The following PPM1H variants were observed in gnomAD, a reference collection of about 807,000 sequenced individuals.
PPM1H encodes the protein protein phosphatase, Mg2+/Mn2+ dependent 1H.
Under a neutral mutation model 54.9 loss-of-function variants are expected in PPM1H, and 27 were observed. That is an observed-to-expected ratio of 0.49 (90% CI 0.36 to 0.68). The LOEUF (loss-of-function observed/expected upper bound fraction) is 0.68, where lower values mean the gene tolerates loss of function less well. Ranked by LOEUF, PPM1H falls within the 30% of genes least tolerant of loss-of-function variation. The pLI is 0.00. For synonymous variants in PPM1H, 305 were observed against 270.8 expected (o/e 1.13, Z -1.24); for missense variants, 596 against 667.8 (o/e 0.89, Z 1.19).
At chr12:62,916,526 A>G (rs1871628093) in intron 1 of PPM1H, among the ~76,000 whole-genome samples, 1 of 152,168 alleles carries the variant, frequency 6.6e-6, no homozygotes, top group South Asian at 2.1e-4. Context: ...GAGCTGCAAA[A>G]CTGGCTTTAC....
At chr12:62,873,835 C>T (rs1435977726) in intron 1 of PPM1H, among the ~76,000 whole-genome samples, 1 of 152,090 alleles carries the variant, frequency 6.6e-6, no homozygotes, top group Non-Finnish European at 1.5e-5. Flanking sequence ...ACGATAATTG[C>T]CTAAGGGAAA....
intron 5 of PPM1H, among the ~76,000 whole-genome samples, chr12:62,732,319 T>C (rs910407159): frequency 1.3e-5 from 2 of 152,126 alleles, no homozygotes; most frequent in African/African-American, 2.4e-5. Context: ...CAAACAAAAT[T>C]AATGTGCCTG....
At chr12:62,800,493 C>T (rs1176837642) in intron 3 of PPM1H, among the ~76,000 whole-genome samples, 21 of 152,066 alleles carry the variant, frequency 1.4e-4, no homozygotes, top group Non-Finnish European at 2.5e-4. Context: ...TGTGCCACCA[C>T]GCCCGACTAA....
chr12:62,748,868 C>A (rs1326551171), intron 4 of PPM1H, among the ~76,000 whole-genome samples: 1 of 152,110 alleles, frequency 6.6e-6, no homozygotes, highest in Non-Finnish European at 1.5e-5. Context: ...TAACTCTGGG[C>A]CCTGGCATCC....
intron 2 of PPM1H, among the ~76,000 whole-genome samples, chr12:62,817,062 A>G (rs1352617817): frequency 6.8e-6 from 1 of 146,010 alleles, no homozygotes; most frequent in Non-Finnish European, 1.5e-5. Context: ...AATCACTGGC[A>G]AGAGTTCTAT....
chr12:62,830,321 T>A (rs1293961278), intron 2 of PPM1H, among the ~76,000 whole-genome samples: 10 of 152,200 alleles, frequency 6.6e-5, no homozygotes. Context: ...AGTGGCGTGA[T>A]CTCAGCTCAC....
chr12:62,916,880 C>T (rs531649107), intron 1 of PPM1H, among the ~76,000 whole-genome samples: 4 of 149,646 alleles, frequency 2.7e-5, no homozygotes, highest in South Asian at 2.1e-4. Flanking sequence ...TGCTAGCTGT[C>T]GGTCGCTTAA....
chr12:62,819,658 TTTGTTG>T (rs575532500), intron 2 of PPM1H, among the ~76,000 whole-genome samples: 30 of 152,102 alleles, frequency 2.0e-4, no homozygotes, highest in Admixed American at 5.2e-4. Flanking sequence ...TTAAGTTTGT[TTTGTTG>T]TTGTTGTTGT....
At chr12:62,885,781 A>G (rs1870565876) in intron 1 of PPM1H, among the ~76,000 whole-genome samples, 1 of 152,244 alleles carries the variant, frequency 6.6e-6, no homozygotes, top group Admixed American at 6.5e-5. Flanking sequence ...ATTTTAAAAC[A>G]TGGAATACTC....
At chr12:62,767,489 A>G (rs894542323) in intron 4 of PPM1H, among the ~76,000 whole-genome samples, 4 of 152,198 alleles carry the variant, frequency 2.6e-5, no homozygotes, top group Non-Finnish European at 1.5e-5. Context: ...AAATATCTCA[A>G]TGGCTTCATA....
At chr12:62,833,956 C>T (rs997692941) in intron 1 of PPM1H, among the ~76,000 whole-genome samples, 7 of 151,920 alleles carry the variant, frequency 4.6e-5, no homozygotes, top group African/African-American at 1.2e-4. Flanking sequence ...AAAGTTCTAA[C>T]GAAAAGATCA....
At chr12:62,819,695 T>C (rs761208223) in intron 2 of PPM1H, among the ~76,000 whole-genome samples, 1 of 152,222 alleles carries the variant, frequency 6.6e-6, no homozygotes, top group Non-Finnish European at 1.5e-5. Flanking sequence ...ATTTCAAACA[T>C]TGCTTCTTTA....
intron 1 of PPM1H, among the ~76,000 whole-genome samples, chr12:62,884,118 C>A (rs1870493459): frequency 6.6e-6 from 1 of 151,816 alleles, no homozygotes; most frequent in Non-Finnish European, 1.5e-5. Context: ...GCCTGGTGAC[C>A]CCCGTCCCTG....
chr12:62,760,184 A>G (rs1439488457), intron 4 of PPM1H, among the ~76,000 whole-genome samples: 1 of 152,200 alleles, frequency 6.6e-6, no homozygotes, highest in African/African-American at 2.4e-5. Context: ...CTGTTTTACA[A>G]GATCTAGATA....
At chr12:62,732,332 A>C (rs1033946152) in intron 5 of PPM1H, among the ~76,000 whole-genome samples, 1 of 152,242 alleles carries the variant, frequency 6.6e-6, no homozygotes, top group Non-Finnish European at 1.5e-5. Flanking sequence ...TGTGCCTGCC[A>C]CATCCATCAT....
At chr12:62,685,777 C>G (rs2076047633) in intron 8 of PPM1H, among the ~76,000 whole-genome samples, 1 of 152,026 alleles carries the variant, frequency 6.6e-6, no homozygotes, top group Non-Finnish European at 1.5e-5. Context: ...TTTAAAAGTT[C>G]TCACCACAAA....
intron 3 of PPM1H, among the ~76,000 whole-genome samples, chr12:62,791,081 T>A (rs777182765): frequency 1.5e-4 from 23 of 152,100 alleles, no homozygotes; most frequent in Non-Finnish European, 2.5e-4. Context: ...AAATAAATTT[T>A]AAATTTTTTT....
intron 1 of PPM1H, among the ~76,000 whole-genome samples, chr12:62,908,916 C>G (rs930550363): frequency 6.6e-5 from 10 of 152,144 alleles, no homozygotes; most frequent in Admixed American, 6.5e-5. Context: ...CATTAACTAT[C>G]TGCTTAAAGG....
intron 1 of PPM1H, among the ~76,000 whole-genome samples, chr12:62,928,856 G>A (rs1206660980): frequency 6.6e-6 from 1 of 152,176 alleles, no homozygotes; most frequent in Non-Finnish European, 1.5e-5. Flanking sequence ...ACAAGTACCA[G>A]CTGTCAACGT....
Sources: gnomAD v4.1 joint callset for allele counts (sites outside exome capture counted in the v4.1 genomes callset) on GRCh38, gnomAD v4.1.1 for gene constraint, MANE v1.5 for transcripts, NCBI Gene and HGNC (gene_info 2026-07-23, HGNC 2026-07-21) for gene names.